RIMS1: variants seen among roughly 807,000 people sequenced by gnomAD.
The protein encoded by RIMS1 is regulating synaptic membrane exocytosis 1, also known as regulating synaptic membrane exocytosis protein 1.
RIMS1 carries 83 observed loss-of-function variants against 214.1 expected under a neutral mutation model. That is an observed-to-expected ratio of 0.39 (90% CI 0.32 to 0.47). The LOEUF (loss-of-function observed/expected upper bound fraction) is 0.47, where lower values mean the gene tolerates loss of function less well. Among genes scored for constraint, RIMS1 ranks in the 20% least tolerant of loss-of-function variants. The probability of loss-of-function intolerance (pLI) is 0.99; values close to 1 mark genes in which losing one functional copy is unlikely to be tolerated. For missense variants in RIMS1, 2,050 were observed against 2,161.8 expected (o/e 0.95, Z 1.03); for synonymous variants, 793 against 786.8 (o/e 1.01, Z -0.13).
intron 6 of RIMS1, among the ~76,000 whole-genome samples, chr6:72,211,001 A>G (rs182215049): frequency 2.0e-4 from 31 of 152,302 alleles, no homozygotes; most frequent in Admixed American, 9.8e-4. Context: ...TAAACAATAA[A>G]AAGATTAATG....
At chr6:72,242,197 G>C (rs1177641822) in intron 9 of RIMS1, 117 bp from the exon 10 acceptor site, 6 of 789,692 alleles carry the variant, frequency 7.6e-6, no homozygotes, top group Non-Finnish European at 1.2e-5. Context: ...TGAAAGCAGA[G>C]CCTAGACAAT....
intron 2 of RIMS1, among the ~76,000 whole-genome samples, chr6:72,065,464 T>TA (rs565363486): frequency 2.5e-4 from 38 of 152,218 alleles, no homozygotes; most frequent in Non-Finnish European, 4.9e-4. Context: ...TTAATGTTGT[T>TA]AATTTTACTT....
At chr6:72,090,169 A>C (rs1038784940) in intron 2 of RIMS1, among the ~76,000 whole-genome samples, 1 of 152,108 alleles carries the variant, frequency 6.6e-6, no homozygotes, top group Non-Finnish European at 1.5e-5. Context: ...TTAAAGTATA[A>C]TAAAAAAAAA....
At chr6:72,398,929 T>A (rs747507690) in intron 32 of RIMS1, 26 bp from the exon 33 acceptor site, 58 of 1,402,254 alleles carry the variant, frequency 4.1e-5, no homozygotes, top group Non-Finnish European at 5.5e-5. Flanking sequence ...GAATAATTTC[T>A]TATATGTTAA....
At chr6:72,171,041 T>A (rs1413275561) in intron 4 of RIMS1, among the ~76,000 whole-genome samples, 1 of 151,984 alleles carries the variant, frequency 6.6e-6, no homozygotes, top group African/African-American at 2.4e-5. Context: ...GGTGAGATAA[T>A]GAGAACGTCA....
At chr6:71,898,868 G>A (rs142816413) in intron 1 of RIMS1, among the ~76,000 whole-genome samples, 19 of 152,058 alleles carry the variant, frequency 1.2e-4, no homozygotes, top group Admixed American at 2.6e-4. Context: ...TTTTTCCACC[G>A]TCACCCTTTT....
intron 2 of RIMS1, among the ~76,000 whole-genome samples, chr6:72,031,607 C>T (rs1463382506): frequency 6.6e-6 from 1 of 152,082 alleles, no homozygotes; most frequent in Non-Finnish European, 1.5e-5. Flanking sequence ...TGAGTAAACA[C>T]TCAGAAAGCA....
At chr6:72,203,414 A>G (rs2052378588) in intron 6 of RIMS1, among the ~76,000 whole-genome samples, 1 of 152,182 alleles carries the variant, frequency 6.6e-6, no homozygotes, top group Non-Finnish European at 1.5e-5. Context: ...GAAAGAACCA[A>G]TGTGTCATTC....
At chr6:72,167,354 T>C (rs1246364573) in intron 4 of RIMS1, among the ~76,000 whole-genome samples, 1 of 152,072 alleles carries the variant, frequency 6.6e-6, no homozygotes, top group Non-Finnish European at 1.5e-5. Flanking sequence ...GCTTCCCTGT[T>C]TGAGAGACAT....
At chr6:72,174,988 C>T (rs1012012157) in intron 4 of RIMS1, among the ~76,000 whole-genome samples, 4 of 151,800 alleles carry the variant, frequency 2.6e-5, no homozygotes, top group Admixed American at 1.3e-4. Flanking sequence ...TACACATTCA[C>T]ACTACAAGAA....
intron 15 of RIMS1, among the ~76,000 whole-genome samples, chr6:72,251,842 C>T (rs1231347294): frequency 6.6e-6 from 1 of 152,072 alleles, no homozygotes; most frequent in Non-Finnish European, 1.5e-5. Flanking sequence ...ACTGGAGTAG[C>T]TAGGATTACA....
At chr6:72,029,277 G>C (rs998667365) in intron 2 of RIMS1, among the ~76,000 whole-genome samples, 1 of 152,110 alleles carries the variant, frequency 6.6e-6, no homozygotes, top group Non-Finnish European at 1.5e-5. Context: ...TTATAAGTTA[G>C]ATAAGTAGCT....
Position 72,071,181 on chromosome 6 carries a change from A to G in RIMS1, c.246-25768A>G, listed in dbSNP as rs565827714. Among the ~76,000 whole-genome samples, 10 of 152,258 alleles carry G rather than the reference A, an allele frequency of 6.6e-5. No individual in the cohort carries two copies. In the East Asian group the frequency reaches 1.9e-3, roughly 29 times the overall value. ...GGAGGTGAGGCAGAAGAATCACGTGAGGCCAGAAGTTCGAGATCAGCCTGG... is the reference window on the plus strand; with the variant it reads ...GGAGGTGAGGCAGAAGAATCACGTGGGGCCAGAAGTTCGAGATCAGCCTGG... On this transcript the variant is annotated intron_variant, in intron 2 of 33. Coordinates refer to ENST00000521978, the MANE Select transcript of RIMS1 (RefSeq NM_014989.7).
chr6:71,941,536 T>G (rs1251518298), intron 1 of RIMS1, among the ~76,000 whole-genome samples: 2 of 152,190 alleles, frequency 1.3e-5, no homozygotes, highest in East Asian at 3.8e-4. Context: ...TGGTCTAATA[T>G]GCAGGGTTTT....
intron 4 of RIMS1, among the ~76,000 whole-genome samples, chr6:72,120,594 T>C (rs1450562028): frequency 1.3e-5 from 2 of 151,886 alleles, no homozygotes; most frequent in Non-Finnish European, 2.9e-5. Context: ...TTCTCCCATT[T>C]TGTAGGTTGC....
chr6:72,138,074 C>CTGTG (rs146926164), intron 4 of RIMS1, among the ~76,000 whole-genome samples: 1 of 149,986 alleles, frequency 6.7e-6, no homozygotes, highest in Non-Finnish European at 1.5e-5. Context: ...GTATGTGAGT[C>CTGTG]TGTGTGTGTG....
intron 1 of RIMS1, among the ~76,000 whole-genome samples, chr6:71,914,342 T>C (rs914298762): frequency 1.4e-4 from 21 of 152,182 alleles, no homozygotes; most frequent in Non-Finnish European, 2.8e-4. Flanking sequence ...ATTTCTTTTT[T>C]CCACAAAAAA....
At chr6:72,278,189 A>ATCTG (rs1460504759) in intron 23 of RIMS1, among the ~76,000 whole-genome samples, 2 of 151,824 alleles carry the variant, frequency 1.3e-5, no homozygotes, top group East Asian at 1.9e-4. Flanking sequence ...CTATCTATCT[A>ATCTG]TCTATCTATA....
intron 2 of RIMS1, among the ~76,000 whole-genome samples, chr6:71,978,861 C>T (rs138087170): frequency 5.5e-4 from 84 of 152,038 alleles, no homozygotes; most frequent in Non-Finnish European, 1.1e-3. Context: ...AAAATGTTTT[C>T]GCATTTTAGA....
Sources: allele counts gnomAD v4.1 joint callset (sites outside exome capture counted in the v4.1 genomes callset), GRCh38; gene constraint gnomAD v4.1.1; transcripts MANE v1.5; gene names NCBI Gene and HGNC (gene_info 2026-07-23, HGNC 2026-07-21).